The following NCKAP5 variants were observed in gnomAD, a reference collection of about 807,000 sequenced individuals.
The protein encoded by NCKAP5 is nck-associated protein 5.
In NCKAP5, 92 loss-of-function variants were observed where a neutral mutation model predicts 167.0. The ratio of observed to expected loss-of-function variants is 0.55; its 90% CI spans 0.47 to 0.66. NCKAP5 has a LOEUF of 0.66. Among genes scored for constraint, NCKAP5 ranks in the 30% least tolerant of loss-of-function variants. The pLI, the probability that NCKAP5 is intolerant of heterozygous loss-of-function variation, is 0.00. For missense variants in NCKAP5, 2,378 were observed against 2,315.0 expected (o/e 1.03, Z -0.56); for synonymous variants, 891 against 877.4 (o/e 1.02, Z -0.27).
chr2:132,895,874 C>T (rs6714846), intron 8 of NCKAP5, among the ~76,000 whole-genome samples: 16,471 of 150,836 alleles, frequency 0.11, 1,093 homozygotes, highest in South Asian at 0.18. Context: ...GTGGCCCATG[C>T]CTGTAATCCC....
At position 133,073,805 on chromosome 2, in the gene NCKAP5, A is replaced by G. The variant is rs568030211; in HGVS notation, c.341+56173T>C. ...TTAATTAAAACAGAGTCAAAAAACC[A>G]GAAGGGAAAAAAGCACCCAGGGCAC... is the stretch of plus-strand genomic sequence containing the variant. On this transcript the variant is annotated intron_variant, in intron 6 of 19. Transcript: ENST00000409261. Among the ~76,000 whole-genome samples the G allele has an allele frequency of 1.2e-4, 18 of 152,298 alleles. No individual in the cohort carries two copies. In the South Asian group the frequency reaches 2.7e-3, roughly 23 times the overall value.
intron 3 of NCKAP5, among the ~76,000 whole-genome samples, chr2:133,465,813 A>C (rs1692539153): frequency 6.7e-6 from 1 of 150,284 alleles, no homozygotes; most frequent in African/African-American, 2.4e-5. Context: ...TCTTCTTTTG[A>C]GAAGTGTCTG....
chr2:133,330,140 C>T (rs539852838), intron 3 of NCKAP5, among the ~76,000 whole-genome samples: 1 of 134,514 alleles, frequency 7.4e-6, no homozygotes, highest in South Asian at 2.6e-4. Context: ...AATCATGGCT[C>T]AATGCAGCCT....
rs1395464343 is a variant in NCKAP5 at position 132,731,886 on chromosome 2, C to G, written c.5294G>C (p.Arg1765Thr). The G allele has an allele frequency of 2.5e-6, 4 of 1,613,716 alleles. No individual in the cohort carries two copies. Among genetic ancestry groups the G allele is most frequent in the East Asian group, 2.2e-5 (1 of 44,850 alleles). Residue 1765 changes from arginine (R) to threonine (T), a missense_variant, in exon 17 of 20, where the codon AGA becomes ACA. By Grantham distance (71) the Arg-to-Thr change is moderately conservative. Coordinates refer to ENST00000409261, the MANE Select transcript of NCKAP5 (RefSeq NM_207363.3). ...CACTTCACGTTCAAGGGTTTGGGCT[C>G]TCATGGAAGAAACTGCAGAAAGGGC... ...QSALSAVSSM[R>T]AQTLEREVPS...
intron 6 of NCKAP5, among the ~76,000 whole-genome samples, chr2:133,066,371 A>C (rs576590070): frequency 6.6e-6 from 1 of 152,326 alleles, no homozygotes; most frequent in South Asian, 2.1e-4. Flanking sequence ...TGCTTCTTAC[A>C]ATTCTATAAT....
At chr2:133,296,407 G>A in intron 4 of NCKAP5, among the ~76,000 whole-genome samples, 1 of 150,434 alleles carries the variant, frequency 6.6e-6, no homozygotes, top group Non-Finnish European at 1.5e-5. Context: ...AGGCTGATTT[G>A]GGTAGTAGTA....
the NCKAP5 span, among the ~76,000 whole-genome samples, chr2:133,664,812 T>C: frequency 1.3e-5 from 2 of 152,100 alleles, no homozygotes; most frequent in African/African-American, 4.8e-5. Context: ...ATCTGTTATT[T>C]TGTATTGCCA....
chr2:132,719,135 G>A (rs1458015177), intron 19 of NCKAP5, among the ~76,000 whole-genome samples: 2 of 152,144 alleles, frequency 1.3e-5, no homozygotes, highest in Non-Finnish European at 2.9e-5. Flanking sequence ...CAACAGCATT[G>A]TGTGTTCAGG....
chr2:133,389,432 T>C (rs1687240448), intron 3 of NCKAP5, among the ~76,000 whole-genome samples: 1 of 152,168 alleles, frequency 6.6e-6, no homozygotes, highest in Non-Finnish European at 1.5e-5. Flanking sequence ...CATAGGTACC[T>C]GAGTTAGTCC....
At chr2:133,618,381 G>C in the NCKAP5 span, among the ~76,000 whole-genome samples, 119 of 140,284 alleles carry the variant, frequency 8.5e-4, no homozygotes, top group Admixed American at 1.2e-3. Context: ...TACAAAATGG[G>C]AGAAAATTTT....
At chr2:133,107,608 A>C (rs894594277) in intron 6 of NCKAP5, among the ~76,000 whole-genome samples, 14 of 152,326 alleles carry the variant, frequency 9.2e-5, no homozygotes, top group African/African-American at 3.1e-4. Flanking sequence ...CATGCTAGCC[A>C]GCCCATGACA....
intron 5 of NCKAP5, among the ~76,000 whole-genome samples, chr2:133,173,579 C>T (rs1296522263): frequency 6.6e-6 from 1 of 152,012 alleles, no homozygotes; most frequent in Non-Finnish European, 1.5e-5. Context: ...TTACCAGAAT[C>T]CCCCCTTACC....
chr2:133,470,671 G>A (rs556778077), intron 3 of NCKAP5, among the ~76,000 whole-genome samples: 21 of 152,324 alleles, frequency 1.4e-4, no homozygotes, highest in African/African-American at 4.8e-4. Context: ...AGACTCCATG[G>A]GCGTAGGACC....
chr2:132,907,517 G>C (rs1306122256), intron 8 of NCKAP5, among the ~76,000 whole-genome samples: 4 of 152,170 alleles, frequency 2.6e-5, no homozygotes, highest in Non-Finnish European at 5.9e-5. Flanking sequence ...GGTGGGAAAA[G>C]ATACTTCCTA....
chr2:133,074,506 G>A (rs2080528643), intron 6 of NCKAP5, among the ~76,000 whole-genome samples: 1 of 152,062 alleles, frequency 6.6e-6, no homozygotes, highest in South Asian at 2.1e-4. Flanking sequence ...GACTACAGAT[G>A]TGTGCCAACC....
chr2:133,183,656 C>A lies in NCKAP5; in HGVS notation c.207+30060G>T, dbSNP rs577246650. Reference sequence around the variant, plus strand: ...GGTGAAAAAAGACTGAAAGTTTTCTCACAAATAATGAGAACAAGGTTAGAC... The same window carrying A: ...GGTGAAAAAAGACTGAAAGTTTTCTAACAAATAATGAGAACAAGGTTAGAC... On this transcript the variant is annotated intron_variant, in intron 5 of 19. Transcript: ENST00000409261. Among the ~76,000 whole-genome samples the A allele has an allele frequency of 4.5e-4, 69 of 152,262 alleles. 1 individual carries two copies. The highest frequency in any genetic ancestry group is 1.5e-3 in the African/African-American group (63 of 41,558).
At chr2:133,624,927 C>A in the NCKAP5 span, among the ~76,000 whole-genome samples, 3 of 152,156 alleles carry the variant, frequency 2.0e-5, no homozygotes, top group Non-Finnish European at 4.4e-5. Context: ...TTAGGAATCC[C>A]TAAATACTGA....
At chr2:133,406,937 C>A (rs1688476366) in intron 3 of NCKAP5, among the ~76,000 whole-genome samples, 1 of 146,678 alleles carries the variant, frequency 6.8e-6, no homozygotes, top group Non-Finnish European at 1.5e-5. Flanking sequence ...GGACAGCCTT[C>A]ACTGGTTAGC....
the NCKAP5 span, among the ~76,000 whole-genome samples, chr2:133,604,808 G>A: frequency 6.0e-4 from 91 of 152,274 alleles, no homozygotes; most frequent in Admixed American, 2.1e-3. Context: ...GGGATACCCT[G>A]TGTCAGGGAC....
Sources: gnomAD v4.1 joint callset for allele counts (sites outside exome capture counted in the v4.1 genomes callset) on GRCh38, gnomAD v4.1.1 for gene constraint, MANE v1.5 for transcripts, NCBI Gene and HGNC (gene_info 2026-07-23, HGNC 2026-07-21) for gene names.